REV3L: variants seen among roughly 807,000 people sequenced by gnomAD.
The protein encoded by REV3L is DNA polymerase zeta catalytic subunit.
REV3L carries 69 observed loss-of-function variants against 299.4 expected under a neutral mutation model. That is an observed-to-expected ratio of 0.23 (90% CI 0.19 to 0.28). The LOEUF is 0.28. REV3L is among the 10% of genes least tolerant of loss of function. The pLI is 1.00. For synonymous variants in REV3L, 1,238 were observed against 1,271.4 expected, an observed-to-expected ratio of 0.97 and a Z score of 0.56; for missense variants, 3,128 against 3,693.8, an observed-to-expected ratio of 0.85 and a Z score of 3.97.
intron 6 of REV3L, among the ~76,000 whole-genome samples, chr6:111,389,789 T>C (rs1781721226): frequency 1.5e-5 from 2 of 137,748 alleles, no homozygotes; most frequent in African/African-American, 5.4e-5. Context: ...CAGGCTGGAG[T>C]GCAGTGGTGC....
intron 29 of REV3L, 89 bp downstream of exon 29, chr6:111,310,980 T>G: frequency 9.9e-7 from 1 of 1,008,684 alleles, no homozygotes; most frequent in Non-Finnish European, 1.4e-6. Flanking sequence ...ATTTTGTGTC[T>G]GTGTCTATGG....
At chr6:111,330,796 T>C (rs1434991225) in intron 24 of REV3L, 3 of 165,576 alleles carry the variant, frequency 1.8e-5, no homozygotes, top group East Asian at 3.8e-4. Flanking sequence ...AAAAAATCTG[T>C]TTCCATTTCT....
rs1043374089 is a variant in REV3L, at chr6:111,483,017, G to A, written c.-129C>T. ...CGGCACGGCCCCCTCCCCTCACACA[G>A]AGGCACCTCGAGGAGCGGCGGGCGG... On this transcript the variant is annotated 5_prime_UTR_variant, in exon 1 of 32. Coordinates refer to ENST00000368802, the MANE Select transcript of REV3L (RefSeq NM_001372078.1). 1 of 1,124,168 alleles carries A rather than the reference G, an allele frequency of 8.9e-7. No individual in the cohort carries two copies. Among genetic ancestry groups the A allele is most frequent in the Non-Finnish European group, 1.2e-6 (1 of 856,624 alleles). The allele number at this position is 1,124,168 out of a possible 1,614,324, so 69.6% of individuals were successfully genotyped here.
chr6:111,339,992 T>C (rs187774384), intron 21 of REV3L, among the ~76,000 whole-genome samples: 164 of 152,208 alleles, frequency 1.1e-3, no homozygotes, highest in African/African-American at 3.8e-3. Context: ...GAAACATACT[T>C]ATAAAGCACA....
At chr6:111,412,919 C>G (rs568573324) in intron 2 of REV3L, among the ~76,000 whole-genome samples, 40 of 152,236 alleles carry the variant, frequency 2.6e-4, no homozygotes, top group African/African-American at 9.4e-4. Context: ...AAGTGGAAAG[C>G]TCCGCTCTGG....
At chr6:111,338,841 T>C (rs759426529) in intron 21 of REV3L, among the ~76,000 whole-genome samples, 10 of 152,136 alleles carry the variant, frequency 6.6e-5, no homozygotes, top group Non-Finnish European at 1.2e-4. Flanking sequence ...TTTTAAAAAG[T>C]GGAAATGGTT....
At chr6:111,385,890 CAG>C (rs1353435842) in intron 9 of REV3L, among the ~76,000 whole-genome samples, 5 of 152,078 alleles carry the variant, frequency 3.3e-5, no homozygotes, top group South Asian at 2.1e-4. Flanking sequence ...GATTAAAATG[CAG>C]AGACACTATT....
At position 111,372,741 on chromosome 6, in the gene REV3L, G is replaced by A. The variant is rs753586620; in HGVS notation, c.5614C>T (p.Pro1872Ser). 6.2e-7 allele frequency: 1 copy of A among 1,612,106 alleles called. No individual in the cohort carries two copies. Among genetic ancestry groups the A allele is most frequent in the East Asian group, 2.2e-5 (1 of 44,876 alleles). The stretch of plus-strand genomic sequence containing the variant: ...GGTTTCAGAATGTTAGCAGTTCGAG[G>A]GGTGAAGCTGCCATTTTTAGATTGT... ...PSQSKNGSFT[P>S]RTANILKPLM... is the part of the protein sequence containing the mutation. Residue 1872 changes from proline (P) to serine (S), a missense_variant, in exon 13 of 32, where the codon CCT (proline) becomes TCT (serine). By Grantham distance (74) the Pro-to-Ser change is moderately conservative. Coordinates refer to ENST00000368802, the MANE Select transcript of REV3L (RefSeq NM_001372078.1).
intron 19 of REV3L, among the ~76,000 whole-genome samples, chr6:111,350,726 G>A (rs192967909): frequency 1.1e-3 from 167 of 151,324 alleles, no homozygotes; most frequent in Non-Finnish European, 1.9e-3. Flanking sequence ...ACAGGCACAA[G>A]CTATCACACC....
At chr6:111,469,029 G>A (rs567167109) in intron 1 of REV3L, among the ~76,000 whole-genome samples, 1 of 152,160 alleles carries the variant, frequency 6.6e-6, no homozygotes, top group African/African-American at 2.4e-5. Context: ...GGGTGGGGTG[G>A]TGCATGCCTG....
intron 1 of REV3L, among the ~76,000 whole-genome samples, chr6:111,438,049 AG>A (rs1208031172): frequency 7.3e-5 from 11 of 151,122 alleles, no homozygotes; most frequent in African/African-American, 2.2e-4. Context: ...TTATAGAGAC[AG>A]GGTCTCGCTA....
intron 4 of REV3L, among the ~76,000 whole-genome samples, chr6:111,400,170 T>C (rs191892453): frequency 1.5e-4 from 23 of 152,326 alleles, no homozygotes; most frequent in Non-Finnish European, 1.0e-4. Context: ...TTGCTTTACA[T>C]TTTTGGCAGT....
At chr6:111,424,002 G>C (rs1034172075) in intron 1 of REV3L, among the ~76,000 whole-genome samples, 1 of 152,118 alleles carries the variant, frequency 6.6e-6, no homozygotes, top group Non-Finnish European at 1.5e-5. Context: ...CTGAGCTAGA[G>C]AAGAAGACAG....
intron 3 of REV3L, among the ~76,000 whole-genome samples, chr6:111,406,473 A>T (rs1382045660): frequency 2.6e-5 from 4 of 152,230 alleles, no homozygotes; most frequent in Admixed American, 1.3e-4. Context: ...TATAGAACAC[A>T]GAAGACTACA....
chr6:111,301,089 C>T (rs1771462773), intron 31 of REV3L, among the ~76,000 whole-genome samples: 1 of 151,966 alleles, frequency 6.6e-6, no homozygotes, highest in Non-Finnish European at 1.5e-5. Context: ...CTAAAATGGC[C>T]ACTCTGGGAG....
At chr6:111,473,519 TC>T (rs199909001) in intron 1 of REV3L, among the ~76,000 whole-genome samples, 1,909 of 152,078 alleles carry the variant, frequency 0.013, 26 homozygotes, top group Non-Finnish European at 0.017. Context: ...TGCCCTAAAC[TC>T]CTTTTGCTAT....
At chr6:111,347,964 G>A (rs1777188785) in intron 20 of REV3L, among the ~76,000 whole-genome samples, 1 of 152,018 alleles carries the variant, frequency 6.6e-6, no homozygotes, top group South Asian at 2.1e-4. Context: ...TACCATACAT[G>A]GCTAACTCGT....
At chr6:111,461,972 AAGAC>A (rs1265394738) in intron 1 of REV3L, among the ~76,000 whole-genome samples, 9 of 152,198 alleles carry the variant, frequency 5.9e-5, no homozygotes, top group African/African-American at 1.4e-4. Flanking sequence ...GTCAAAATGA[AAGAC>A]AGAGATTATC....
Position 111,381,448 on chromosome 6 carries a change from A to T in REV3L, c.1097-4T>A, listed in dbSNP as rs1414326339. The T allele has an allele frequency of 6.3e-7, 1 of 1,595,906 alleles. No individual in the cohort carries two copies. Among genetic ancestry groups the T allele is most frequent in the East Asian group, 2.2e-5 (1 of 44,682 alleles). ...TCCACTTTGTGTCTAGTGTGACCTT[A>T]ATTTGACAAAGAATAAAAAAAATTG... On this transcript the variant is annotated splice_region_variant and splice_polypyrimidine_tract_variant and intron_variant, in intron 9 of 31. Coordinates refer to ENST00000368802, the MANE Select transcript of REV3L (RefSeq NM_001372078.1).
Sources: allele counts gnomAD v4.1 joint callset (sites outside exome capture counted in the v4.1 genomes callset), GRCh38; gene constraint gnomAD v4.1.1; transcripts MANE v1.5; gene names NCBI Gene and HGNC (gene_info 2026-07-23, HGNC 2026-07-21).